Variants in CSF2RA observed in about 807,000 individuals in gnomAD.
CSF2RA encodes the protein granulocyte-macrophage colony-stimulating factor receptor subunit alpha.
CSF2RA carries 42 observed loss-of-function variants against 51.6 expected under a neutral mutation model. The ratio of observed to expected loss-of-function variants is 0.81; its 90% CI spans 0.64 to 1.05. CSF2RA has a LOEUF of 1.05. CSF2RA is among the 50% of genes least tolerant of loss of function. The pLI is 0.00. For synonymous variants in CSF2RA, 222 were observed against 193.0 expected, an observed-to-expected ratio of 1.15 and a Z score of -1.24; for missense variants, 530 against 501.1, an observed-to-expected ratio of 1.06 and a Z score of -0.55.
intron 2 of CSF2RA, 91 bp downstream of exon 2, chrX:1,274,909 A>G: frequency 2.2e-5 from 10 of 450,176 alleles, no homozygotes; most frequent in South Asian, 1.4e-4. Flanking sequence ...TTGCTCCATA[A>G]TGATGAACCA....
chrX:1,288,736 A>T, intron 5 of CSF2RA, 23 bp from the exon 6 acceptor site: 1 of 1,613,784 alleles, frequency 6.2e-7, no homozygotes, highest in East Asian at 2.2e-5. Flanking sequence ...AGTGAAAATT[A>T]TTTTGTTTCT....
intron 1 of CSF2RA, among the ~76,000 whole-genome samples, chrX:1,272,906 C>T (rs1319540497): frequency 6.6e-6 from 1 of 151,074 alleles, no homozygotes; most frequent in Non-Finnish European, 1.5e-5. Context: ...ACAGCCTCCA[C>T]CTCCCAAGGT....
chrX:1,313,548 A>G (rs1273010322), downstream of CSF2RA, among the ~76,000 whole-genome samples: 1 of 53,538 alleles, frequency 1.9e-5, no homozygotes, highest in Non-Finnish European at 3.3e-5. Context: ...CGTCTCTACT[A>G]AAAATACAAA....
Position 1,304,130 on chromosome X carries a change from C to G in CSF2RA, c.1043+111C>G. Reference sequence around the variant, plus strand: ...TGAGAAAGAGAAACACAGCCTTGGCCGGGCGTGTTGGCTCATGCCTGTAAT... The same window carrying G: ...TGAGAAAGAGAAACACAGCCTTGGCGGGGCGTGTTGGCTCATGCCTGTAAT... On this transcript the variant is annotated intron_variant, in intron 11 of 12. Coordinates refer to ENST00000381529, the MANE Select transcript of CSF2RA (RefSeq NM_172245.4). 6 of 1,032,130 alleles carry G rather than the reference C, an allele frequency of 5.8e-6. No homozygotes were observed. In the South Asian group the frequency reaches 7.6e-5, roughly 13 times the overall value. The allele number at this position is 1,032,130 out of a possible 1,614,324, so 63.9% of individuals were successfully genotyped here.
chrX:1,299,083 G>T (rs1182190776), intron 9 of CSF2RA, among the ~76,000 whole-genome samples: 2 of 152,180 alleles, frequency 1.3e-5, no homozygotes, highest in Non-Finnish European at 2.9e-5. Context: ...CCCCCTCATA[G>T]TTCTCACTGG....
At chrX:1,290,085 GTTTTGTTTTGTGTTTGT>G (rs2091246722) in intron 6 of CSF2RA, among the ~76,000 whole-genome samples, 1 of 112,102 alleles carries the variant, frequency 8.9e-6, no homozygotes, top group South Asian at 3.0e-4. Flanking sequence ...GTGTTTTTGT[GTTTTGTTTTGTGTTTGT>G]TTTTGTTTTG....
At chrX:1,276,500 A>C (rs2089214968) in intron 2 of CSF2RA, among the ~76,000 whole-genome samples, 1 of 151,756 alleles carries the variant, frequency 6.6e-6, no homozygotes, top group African/African-American at 2.4e-5. Flanking sequence ...CAGCCTCGCG[A>C]GTAGCTGGGA....
intron 9 of CSF2RA, among the ~76,000 whole-genome samples, chrX:1,296,628 C>G (rs865780091): frequency 2.4e-3 from 92 of 38,896 alleles, no homozygotes; most frequent in South Asian, 7.6e-3. Context: ...CCCATGACCC[C>G]TGGCGGAACC....
intron 2 of CSF2RA, among the ~76,000 whole-genome samples, chrX:1,276,532 C>G (rs1314658787): frequency 3.3e-5 from 5 of 151,676 alleles, no homozygotes; most frequent in Non-Finnish European, 5.9e-5. Context: ...CGCCATCACA[C>G]CCGGCTAGTA....
chrX:1,302,047 G>A (rs1390180043), intron 10 of CSF2RA, among the ~76,000 whole-genome samples: 6 of 151,406 alleles, frequency 4.0e-5, no homozygotes, highest in African/African-American at 2.4e-5. Flanking sequence ...CTCCCGAGTA[G>A]CTGGGATTAC....
chrX:1,298,495 C>A (rs2092131573), intron 9 of CSF2RA, among the ~76,000 whole-genome samples: 1 of 113,590 alleles, frequency 8.8e-6, no homozygotes, highest in Non-Finnish European at 1.8e-5. Flanking sequence ...CTGGAGTAAC[C>A]CTACAGTCCC....
chrX:1,322,045 G>T, the CSF2RA span, among the ~76,000 whole-genome samples: 1 of 151,988 alleles, frequency 6.6e-6, no homozygotes, highest in African/African-American at 2.4e-5. Flanking sequence ...TGAGGCAGGA[G>T]CATTGCTTGA....
chrX:1,320,851 T>C, the CSF2RA span, among the ~76,000 whole-genome samples: 1 of 150,902 alleles, frequency 6.6e-6, no homozygotes, highest in Non-Finnish European at 1.5e-5. Context: ...TTTTGTTTGT[T>C]TGTTTTGAGA....
At chrX:1,282,845 C>T (rs1272714476) in intron 3 of CSF2RA, 66 bp downstream of exon 3, 1 of 1,329,152 alleles carries the variant, frequency 7.5e-7, no homozygotes, top group Non-Finnish European at 1.1e-6. Context: ...ATCTGGAGAC[C>T]CATCTGGATA....
intron 6 of CSF2RA, 151 bp from the exon 7 acceptor site, chrX:1,290,186 T>C: frequency 1.5e-6 from 1 of 663,590 alleles, no homozygotes; most frequent in Non-Finnish European, 2.6e-6. Flanking sequence ...GTTTTGTGTT[T>C]TTGTGGGTTT....
In CSF2RA at chrX:1,295,474, C is replaced by G; in HGVS notation, c.810+18C>G. ...ACCTACTGGTAAGTGAAACCACAGA[C>G]CCTACTGACAACCCTCAGCGTAACC... is the stretch of plus-strand genomic sequence containing the variant. On this transcript the variant is annotated intron_variant, in intron 9 of 12. Coordinates refer to ENST00000381529, the MANE Select transcript of CSF2RA (RefSeq NM_172245.4). 1.9e-6 allele frequency: 3 copies of G among 1,613,370 alleles called. No individual in the cohort carries two copies. The highest frequency in any genetic ancestry group is 2.5e-6 in the Non-Finnish European group (3 of 1,179,492).
the CSF2RA span, among the ~76,000 whole-genome samples, chrX:1,320,048 A>C: frequency 2.1e-4 from 32 of 151,912 alleles, no homozygotes; most frequent in Admixed American, 1.3e-3. Flanking sequence ...GGTGCCCGCC[A>C]CCACGCCTGG....
the CSF2RA span, among the ~76,000 whole-genome samples, chrX:1,319,983 C>A: frequency 2.0e-5 from 3 of 150,802 alleles, 1 homozygote; most frequent in South Asian, 6.4e-4. Context: ...GCAAGCTCTG[C>A]CTCCTGGGTT....
the CSF2RA span, among the ~76,000 whole-genome samples, chrX:1,318,163 T>TC: frequency 3.3e-5 from 5 of 150,664 alleles, no homozygotes; most frequent in Admixed American, 3.3e-4. Flanking sequence ...TAATTTTTTT[T>TC]TTTTAACTTT....
Sources: allele counts gnomAD v4.1 joint callset (sites outside exome capture counted in the v4.1 genomes callset), GRCh38; gene constraint gnomAD v4.1.1; transcripts MANE v1.5; gene names NCBI Gene and HGNC (gene_info 2026-07-23, HGNC 2026-07-21).